The following FOXP1 variants were observed in gnomAD, a reference collection of about 807,000 sequenced individuals.
FOXP1 encodes forkhead box P1.
Under a neutral mutation model 98.2 loss-of-function variants are expected in FOXP1, and 15 were observed. That is an observed-to-expected ratio of 0.15 (90% CI 0.10 to 0.24). The LOEUF (loss-of-function observed/expected upper bound fraction) is 0.24. FOXP1 is among the 10% of genes least tolerant of loss of function. The pLI, the probability that FOXP1 is intolerant of heterozygous loss-of-function variation, is 1.00. For missense variants in FOXP1, 633 were observed against 848.5 expected (o/e 0.75, Z 3.15); for synonymous variants, 371 against 314.5 (o/e 1.18, Z -1.90).
intron 2 of FOXP1, among the ~76,000 whole-genome samples, chr3:71,567,072 C>A (rs2046969849): frequency 2.0e-5 from 3 of 152,034 alleles, no homozygotes; most frequent in Admixed American, 1.3e-4. Context: ...AGGCTGATGG[C>A]CCAAACAATG....
chr3:71,250,895 C>T (rs1333352013), intron 5 of FOXP1, among the ~76,000 whole-genome samples: 1 of 151,974 alleles, frequency 6.6e-6, no homozygotes, highest in Non-Finnish European at 1.5e-5. Flanking sequence ...TGCGCCACTG[C>T]ACTCCAGCTT....
rs543448010 is a variant in FOXP1 at position 71,159,951 on chromosome 3, G to T, written c.180+38251C>A. Reference sequence around the variant, plus strand: ...CAGGTCCTGATTCTGCTGAATTACAGATTAAGTGTAGAACTGTCATGCACA... The same window carrying T: ...CAGGTCCTGATTCTGCTGAATTACATATTAAGTGTAGAACTGTCATGCACA... On this transcript the variant is annotated intron_variant, in intron 6 of 20. Coordinates refer to ENST00000649528, the MANE Select transcript of FOXP1 (RefSeq NM_001349338.3). Among the ~76,000 whole-genome samples the T allele has an allele frequency of 2.6e-5, 4 of 152,342 alleles. 1 individual carries two copies. The South Asian group carries it at 8.3e-4, about 32-fold the overall frequency.
At chr3:71,026,516 G>A (rs2046137731) in intron 11 of FOXP1, among the ~76,000 whole-genome samples, 1 of 152,158 alleles carries the variant, frequency 6.6e-6, no homozygotes, top group Non-Finnish European at 1.5e-5. Flanking sequence ...GACCCACAAA[G>A]GCCCCAACAG....
At chr3:71,315,290 C>T (rs1208086320) in intron 4 of FOXP1, among the ~76,000 whole-genome samples, 1 of 152,048 alleles carries the variant, frequency 6.6e-6, no homozygotes, top group African/African-American at 2.4e-5. Flanking sequence ...GGCGCTTTAT[C>T]AGCAACAGAA....
intron 5 of FOXP1, among the ~76,000 whole-genome samples, chr3:71,215,099 A>G (rs764437621): frequency 2.0e-5 from 3 of 152,228 alleles, no homozygotes; most frequent in Non-Finnish European, 4.4e-5. Flanking sequence ...ATTCACATGC[A>G]TATTAAAGTT....
At chr3:71,082,827 T>C (rs1300059631) in intron 7 of FOXP1, among the ~76,000 whole-genome samples, 1 of 152,186 alleles carries the variant, frequency 6.6e-6, no homozygotes, top group African/African-American at 2.4e-5. Context: ...CGTCGAATTG[T>C]CCAAATCTAG....
chr3:71,180,568 G>A (rs1433105415), intron 6 of FOXP1, among the ~76,000 whole-genome samples: 1 of 152,108 alleles, frequency 6.6e-6, no homozygotes, highest in African/African-American at 2.4e-5. Context: ...TCTTAGTAAA[G>A]AAAACATGGT....
chr3:71,249,289 T>A lies in FOXP1; in HGVS notation c.-12+50531A>T, dbSNP rs538753238. On this transcript the variant is annotated intron_variant, in intron 5 of 20. Transcript: ENST00000649528. ...TTGACTTCCTCTTCCTGGGTGGGAATGAACCCCAGATCAATTCAGTCAGCC... is the reference window on the plus strand; with the variant it reads ...TTGACTTCCTCTTCCTGGGTGGGAAAGAACCCCAGATCAATTCAGTCAGCC... 2.6e-5 allele frequency among the ~76,000 whole-genome samples: 4 copies of A among 152,350 alleles called. 1 individual carries two copies. The South Asian group carries it at 8.3e-4, about 32-fold the overall frequency.
rs1308895513 is a variant in FOXP1 at position 70,954,971 on chromosome 3, G to A, written c.*4276C>T. 1 of 232,694 alleles carries A rather than the reference G, an allele frequency of 4.3e-6. No individual in the cohort carries two copies. The highest frequency in any genetic ancestry group is 8.5e-6 in the Non-Finnish European group (1 of 117,712). 14.4% of individuals were successfully genotyped at this position (232,694 alleles called of 1,614,324 possible). ...GTCCGGACTGTATCATCTTCATCAA[G>A]GCTTATGGGTAGCAGAGATTGCGTG... On this transcript the variant is annotated 3_prime_UTR_variant, in exon 21 of 21. Coordinates refer to ENST00000649528, the MANE Select transcript of FOXP1 (RefSeq NM_001349338.3).
chr3:71,410,564 G>GT (rs35411676), intron 3 of FOXP1, among the ~76,000 whole-genome samples: 2 of 152,172 alleles, frequency 1.3e-5, no homozygotes, highest in South Asian at 4.1e-4. Context: ...GCATCCATGG[G>GT]TTTTTTAAAT....
chr3:71,021,424 C>T (rs1043035535), intron 11 of FOXP1, among the ~76,000 whole-genome samples: 1 of 152,192 alleles, frequency 6.6e-6, no homozygotes, highest in Non-Finnish European at 1.5e-5. Flanking sequence ...ATACATAGCA[C>T]ATTTATCCAT....
chr3:71,374,366 G>C (rs2079556330), intron 3 of FOXP1, among the ~76,000 whole-genome samples: 1 of 152,190 alleles, frequency 6.6e-6, no homozygotes, highest in Non-Finnish European at 1.5e-5. Context: ...GGCCGAGGCA[G>C]GCAGATCACT....
chr3:71,191,918 C>G (rs1397502198), intron 6 of FOXP1, among the ~76,000 whole-genome samples: 1 of 152,186 alleles, frequency 6.6e-6, no homozygotes. Flanking sequence ...GTTATTTGAA[C>G]TATGCAAGGT....
At chr3:71,070,693 C>T (rs1214948098) in intron 7 of FOXP1, among the ~76,000 whole-genome samples, 4 of 152,156 alleles carry the variant, frequency 2.6e-5, no homozygotes, top group African/African-American at 4.8e-5. Context: ...TGAAGGAGGG[C>T]TCTGGGCATT....
rs751610361 is a variant in FOXP1, at chr3:71,191,291, T to G, written c.180+6911A>C. ...AAACTAATCTGTCAACAAATTACCA[T>G]TAAAGTCATACCTCCTGAAAGTTCA... On this transcript the variant is annotated intron_variant, in intron 6 of 20. Transcript: ENST00000649528. Among the ~76,000 whole-genome samples the G allele has an allele frequency of 6.2e-4, 94 of 152,310 alleles. No individual in the cohort carries two copies. The Middle Eastern group carries it at 0.01, about 17-fold the overall frequency.
intron 10 of FOXP1, among the ~76,000 whole-genome samples, chr3:71,046,454 G>A (rs1210106861): frequency 6.6e-6 from 1 of 152,082 alleles, no homozygotes; most frequent in Non-Finnish European, 1.5e-5. Context: ...CTTTTTATAA[G>A]AGAAAGTGGT....
At chr3:71,540,456 A>G (rs557753251) in intron 2 of FOXP1, among the ~76,000 whole-genome samples, 1 of 152,382 alleles carries the variant, frequency 6.6e-6, no homozygotes, top group East Asian at 1.9e-4. Flanking sequence ...TCAAGGCTAA[A>G]TATGGCATTT....
intron 13 of FOXP1, among the ~76,000 whole-genome samples, chr3:71,000,456 C>T (rs892835830): frequency 1.1e-4 from 17 of 152,022 alleles, no homozygotes; most frequent in African/African-American, 3.6e-4. Flanking sequence ...ACTTCCATTG[C>T]GACTTGGGAA....
intron 2 of FOXP1, among the ~76,000 whole-genome samples, chr3:71,560,827 T>G (rs938470418): frequency 2.0e-5 from 3 of 152,144 alleles, no homozygotes; most frequent in African/African-American, 7.2e-5. Flanking sequence ...TTTCATTCCA[T>G]TCATATGAAA....
Sources: gnomAD v4.1 joint callset for allele counts (sites outside exome capture counted in the v4.1 genomes callset) on GRCh38, gnomAD v4.1.1 for gene constraint, MANE v1.5 for transcripts, NCBI Gene and HGNC (gene_info 2026-07-23, HGNC 2026-07-21) for gene names.